Variants in CDH12 observed in about 807,000 individuals in gnomAD.
CDH12 encodes the protein cadherin 12.
A neutral mutation model predicts 74.1 loss-of-function variants in CDH12; 41 were observed. The observed-to-expected ratio is 0.55, with a 90% CI of 0.43 to 0.72. CDH12 has a LOEUF of 0.72. Ranked by LOEUF, CDH12 falls within the 30% of genes least tolerant of loss-of-function variation. CDH12 has a pLI of 0.00. For missense variants in CDH12, 945 were observed against 977.2 expected (o/e 0.97, Z 0.44); for synonymous variants, 399 against 355.0 (o/e 1.12, Z -1.39).
At chr5:21,825,724 G>A (rs1244851511) in intron 8 of CDH12, among the ~76,000 whole-genome samples, 1 of 152,186 alleles carries the variant, frequency 6.6e-6, no homozygotes, top group East Asian at 1.9e-4. Flanking sequence ...CAGTGGCAAT[G>A]TCTTAGCAGT....
At chr5:22,748,126 A>G (rs75271904) in intron 1 of CDH12, among the ~76,000 whole-genome samples, 5 of 152,240 alleles carry the variant, frequency 3.3e-5, no homozygotes, top group South Asian at 2.1e-4. Context: ...TAAATAAAAT[A>G]TGTGTAAATT....
intron 4 of CDH12, among the ~76,000 whole-genome samples, chr5:22,102,322 TGA>T (rs1279343265): frequency 3.9e-5 from 6 of 152,138 alleles, no homozygotes; most frequent in Non-Finnish European, 8.8e-5. Flanking sequence ...CTGGGTGCTT[TGA>T]AAAAGTAGTG....
chr5:22,594,182 T>C (rs1736482914), intron 1 of CDH12, among the ~76,000 whole-genome samples: 1 of 152,200 alleles, frequency 6.6e-6, no homozygotes, highest in Non-Finnish European at 1.5e-5. Context: ...GGTAGAGCCC[T>C]AAATTTTGAG....
At position 21,922,215 on chromosome 5, in the gene CDH12, C is replaced by A. The variant is rs191767651; in HGVS notation, c.526+52876G>T. On this transcript the variant is annotated intron_variant, in intron 6 of 14. Coordinates refer to ENST00000382254, the MANE Select transcript of CDH12 (RefSeq NM_004061.5). ...TTTAGAAGAATGTATTTGTTTATTT[C>A]TCTCTTTATACACAGGAACATATTT... Among the ~76,000 whole-genome samples, 206 of 152,214 alleles carry A rather than the reference C, an allele frequency of 1.4e-3. 1 individual carries two copies. The highest frequency in any genetic ancestry group is 5.4e-3 in the South Asian group (26 of 4,826).
chr5:22,061,734 A>G (rs147889396), intron 5 of CDH12, among the ~76,000 whole-genome samples: 64 of 152,302 alleles, frequency 4.2e-4, no homozygotes, highest in African/African-American at 1.5e-3. Context: ...ACATGCATGC[A>G]CATATAAACA....
intron 3 of CDH12, among the ~76,000 whole-genome samples, chr5:22,227,751 A>G (rs1752243997): frequency 6.6e-6 from 1 of 152,158 alleles, no homozygotes; most frequent in Non-Finnish European, 1.5e-5. Flanking sequence ...GCCTGCATTC[A>G]CTTCCCAACC....
chr5:22,456,812 C>A (rs1440232183), intron 2 of CDH12, among the ~76,000 whole-genome samples: 1 of 152,124 alleles, frequency 6.6e-6, no homozygotes, highest in East Asian at 1.9e-4. Context: ...AGGATCTCTG[C>A]ATGGTTGACT....
chr5:21,842,008 A>AG (rs1299562875), intron 8 of CDH12, among the ~76,000 whole-genome samples, 153 bp downstream of exon 8: 1 of 151,372 alleles, frequency 6.6e-6, no homozygotes, highest in Non-Finnish European at 1.5e-5. Context: ...TAAAGTATAA[A>AG]AAAAAAAAAA....
rs1414899348 is a variant in CDH12, at chr5:22,516,152, C to T, written c.-522-10788G>A. ...ATACTATGAACATAAACTAAGATGG[C>T]AAGATAAAATGTCACAAATGGCCAA... On this transcript the variant is annotated intron_variant, in intron 1 of 14. Transcript: ENST00000382254. Among the ~76,000 whole-genome samples, 18 of 151,886 alleles carry T rather than the reference C, an allele frequency of 1.2e-4. 1 individual carries two copies. The highest frequency in any genetic ancestry group is 2.6e-4 in the Non-Finnish European group (18 of 67,954).
At chr5:21,833,708 G>T (rs988965292) in intron 8 of CDH12, among the ~76,000 whole-genome samples, 2 of 125,882 alleles carry the variant, frequency 1.6e-5, no homozygotes, top group Non-Finnish European at 3.3e-5. Flanking sequence ...TGATCTTCAG[G>T]TTTGCTCTGT....
intron 3 of CDH12, among the ~76,000 whole-genome samples, chr5:22,296,814 C>A (rs1389200194): frequency 1.3e-5 from 2 of 152,056 alleles, no homozygotes; most frequent in African/African-American, 4.8e-5. Context: ...TGCTGCTTTG[C>A]TCAATAAACA....
At chr5:22,489,311 C>A (rs1746755900) in intron 2 of CDH12, among the ~76,000 whole-genome samples, 1 of 151,768 alleles carries the variant, frequency 6.6e-6, no homozygotes. Flanking sequence ...CCTGCCTCGG[C>A]CTCCCAAAGT....
At chr5:21,843,633 G>A (rs1012599177) in intron 7 of CDH12, among the ~76,000 whole-genome samples, 2 of 151,920 alleles carry the variant, frequency 1.3e-5, no homozygotes, top group East Asian at 3.9e-4. Flanking sequence ...TCCTGCATCA[G>A]CCTCCGGAGT....
At chr5:22,537,668 C>T (rs970502127) in intron 1 of CDH12, among the ~76,000 whole-genome samples, 2 of 152,126 alleles carry the variant, frequency 1.3e-5, no homozygotes, top group South Asian at 4.1e-4. Flanking sequence ...CTTCTCCCCT[C>T]ACAGAAACAC....
At chr5:21,900,015 G>T (rs1439001017) in intron 6 of CDH12, among the ~76,000 whole-genome samples, 1 of 151,960 alleles carries the variant, frequency 6.6e-6, no homozygotes, top group African/African-American at 2.4e-5. Context: ...CAAATCCACA[G>T]ATTTTATATA....
At chr5:22,841,009 C>T (rs183673599) in intron 1 of CDH12, among the ~76,000 whole-genome samples, 10 of 152,188 alleles carry the variant, frequency 6.6e-5, no homozygotes, top group African/African-American at 1.2e-4. Context: ...TAAAATGAGG[C>T]GGCACAGACT....
chr5:22,619,962 G>A (rs1737889661), intron 1 of CDH12, among the ~76,000 whole-genome samples: 1 of 151,872 alleles, frequency 6.6e-6, no homozygotes, highest in South Asian at 2.1e-4. Flanking sequence ...CTTTTCATGT[G>A]GTCATTTCTC....
intron 1 of CDH12, among the ~76,000 whole-genome samples, chr5:22,520,459 A>C (rs574222796): frequency 2.3e-4 from 35 of 152,186 alleles, no homozygotes; most frequent in Non-Finnish European, 4.4e-4. Context: ...AGATTCAAGT[A>C]ACCTAAAGAA....
At chr5:22,146,077 T>C (rs1366664811) in intron 4 of CDH12, among the ~76,000 whole-genome samples, 1 of 152,062 alleles carries the variant, frequency 6.6e-6, no homozygotes, top group African/African-American at 2.4e-5. Flanking sequence ...CACTTAATTG[T>C]AATGACCTGT....
Sources: gnomAD v4.1 joint callset for allele counts (sites outside exome capture counted in the v4.1 genomes callset) on GRCh38, gnomAD v4.1.1 for gene constraint, MANE v1.5 for transcripts, NCBI Gene and HGNC (gene_info 2026-07-23, HGNC 2026-07-21) for gene names.